DTWD2: variants seen among roughly 807,000 people sequenced by gnomAD.
DTWD2 encodes the protein tRNA-uridine aminocarboxypropyltransferase 2.
In DTWD2, 39 loss-of-function variants were observed where a neutral mutation model predicts 31.8. The observed-to-expected ratio is 1.22, with a 90% confidence interval of 0.95 to 1.60. The LOEUF is 1.60. Ranked by LOEUF, DTWD2 falls within the 40% of genes most tolerant of loss-of-function variation. DTWD2 has a pLI of 0.00. For synonymous variants in DTWD2, 180 were observed against 142.8 expected, an observed-to-expected ratio of 1.26 and a Z score of -1.86; for missense variants, 515 against 381.5, an observed-to-expected ratio of 1.35 and a Z score of -2.92.
At chr5:118,938,569 C>T (rs987377625) in intron 3 of DTWD2, among the ~76,000 whole-genome samples, 1 of 151,950 alleles carries the variant, frequency 6.6e-6, no homozygotes, top group Non-Finnish European at 1.5e-5. Flanking sequence ...AATTTACTGG[C>T]CAGGCCCAGT....
At chr5:118,880,277 A>G (rs1752713677) in intron 4 of DTWD2, among the ~76,000 whole-genome samples, 1 of 152,184 alleles carries the variant, frequency 6.6e-6, no homozygotes, top group Non-Finnish European at 1.5e-5. Flanking sequence ...TAATAAACAG[A>G]ATTTTAGATT....
chr5:118,932,083 TAGAG>T (rs1191657430), intron 3 of DTWD2, among the ~76,000 whole-genome samples: 1 of 152,048 alleles, frequency 6.6e-6, no homozygotes. Flanking sequence ...AAGCACTGCT[TAGAG>T]AGATATTCAT....
rs1451533281 is a variant in DTWD2, at chr5:118,936,356, T to C, written c.404+2840A>G. ...GAGTTCAAGACCAGCCTGGGCAACA[T>C]AGCGAGACCCTGTCTCTACAAAAGA... is the stretch of plus-strand genomic sequence containing the variant. On this transcript the variant is annotated intron_variant, in intron 3 of 5. Coordinates refer to ENST00000510708, the MANE Select transcript of DTWD2 (RefSeq NM_173666.4). 2.4e-4 allele frequency among the ~76,000 whole-genome samples: 36 copies of C among 151,996 alleles called. 1 individual carries two copies. The highest frequency in any genetic ancestry group is 2.4e-3 in the Admixed American group (36 of 15,260).
chr5:118,842,426 C>T (rs911501021), intron 5 of DTWD2, among the ~76,000 whole-genome samples: 7 of 152,138 alleles, frequency 4.6e-5, no homozygotes, highest in Admixed American at 6.5e-5. Flanking sequence ...GAAGGTAGGA[C>T]AAGCATCATG....
chr5:118,865,103 C>T (rs751457707), intron 4 of DTWD2, among the ~76,000 whole-genome samples: 19 of 152,102 alleles, frequency 1.2e-4, no homozygotes, highest in Non-Finnish European at 2.4e-4. Flanking sequence ...CATAACCTTA[C>T]GTATGATACA....
rs758938816 is a variant in DTWD2, at chr5:118,848,147, T to C, written c.669A>G (p.Thr223=). Residue 223 remains threonine, a synonymous_variant, in exon 5 of 6, where the codon ACA becomes ACG. Coordinates refer to ENST00000510708, the MANE Select transcript of DTWD2 (RefSeq NM_173666.4). ...AAAGAGCAACAGCTGCACACTCCAG[T>C]GTAGAAAGGCATCTATTAGTCGGCT... The part of the protein sequence containing the change: ...RMQPTNRCLS[T]LECAAVALSI... The C allele has an allele frequency of 5.0e-6, 8 of 1,607,750 alleles. No individual in the cohort carries two copies. The highest frequency in any genetic ancestry group is 1.3e-5 in the African/African-American group (1 of 74,608).
intron 4 of DTWD2, among the ~76,000 whole-genome samples, chr5:118,915,354 A>G (rs947028402): frequency 2.0e-5 from 3 of 151,476 alleles, no homozygotes; most frequent in Non-Finnish European, 4.4e-5. Flanking sequence ...AAAATAACCC[A>G]TATGTAAGCT....
chr5:118,837,658 T>C lies in DTWD2; in HGVS notation c.*3259A>G, dbSNP rs557642756. ...AGAAGTGCTCTTCTATATAATTTAC[T>C]GAGAGGCCAAGGCAGAAGGATCGCT... On this transcript the variant is annotated 3_prime_UTR_variant, in exon 6 of 6. Transcript: ENST00000510708. 7.2e-5 allele frequency: 11 copies of C among 152,294 alleles called. No homozygotes were observed. In the East Asian group the frequency reaches 2.1e-3, roughly 29 times the overall value. The allele number at this position is 152,294 out of a possible 1,614,324, so 9.4% of individuals were successfully genotyped here. A position where few individuals can be genotyped will look rare whatever the true frequency, so the allele number is the denominator to read the frequency against.
intron 2 of DTWD2, among the ~76,000 whole-genome samples, chr5:118,944,103 AAT>A (rs1248796982): frequency 6.6e-6 from 1 of 152,244 alleles, no homozygotes; most frequent in African/African-American, 2.4e-5. Context: ...TGCATTATAA[AAT>A]ATACATGTTT....
intron 4 of DTWD2, among the ~76,000 whole-genome samples, chr5:118,860,992 AGTT>A (rs1210925434): frequency 6.6e-5 from 10 of 152,182 alleles, no homozygotes; most frequent in Non-Finnish European, 8.8e-5. Context: ...ATTTCTCAAT[AGTT>A]AAGTCAGGAT....
intron 4 of DTWD2, among the ~76,000 whole-genome samples, chr5:118,922,325 C>T (rs771892280): frequency 6.6e-6 from 1 of 152,146 alleles, no homozygotes; most frequent in Non-Finnish European, 1.5e-5. Context: ...TCTATAAACA[C>T]AACACTCTGG....
intron 4 of DTWD2, among the ~76,000 whole-genome samples, chr5:118,850,733 T>C (rs888513489): frequency 6.6e-6 from 1 of 151,958 alleles, no homozygotes; most frequent in African/African-American, 2.4e-5. Flanking sequence ...TCCGAAAACC[T>C]ACAGAATGGG....
chr5:118,858,419 T>C (rs1752187293), intron 4 of DTWD2, among the ~76,000 whole-genome samples: 1 of 152,224 alleles, frequency 6.6e-6, no homozygotes, highest in Non-Finnish European at 1.5e-5. Flanking sequence ...TTTGAGCTGG[T>C]GAGAAGTCTC....
chr5:118,966,263 A>G lies in DTWD2; in HGVS notation c.219-21614T>C, dbSNP rs76759309. ...TTTACAAAAGTAAACCTCAAAAAAT[A>G]TGATAAAATGTTCAAGTTTAAAAAA... On this transcript the variant is annotated intron_variant, in intron 1 of 5. Coordinates refer to ENST00000510708, the MANE Select transcript of DTWD2 (RefSeq NM_173666.4). Among the ~76,000 whole-genome samples, 1,133 of 152,352 alleles carry G rather than the reference A, an allele frequency of 7.4e-3. 17 individuals carry two copies. Among genetic ancestry groups the G allele is most frequent in the African/African-American group, 0.026 (1,070 of 41,582 alleles).
At chr5:118,925,510 T>C (rs1434580129) in intron 4 of DTWD2, among the ~76,000 whole-genome samples, 1 of 152,170 alleles carries the variant, frequency 6.6e-6, no homozygotes, top group African/African-American at 2.4e-5. Context: ...GTTAAAACAC[T>C]TAAGAATTAA....
At chr5:118,945,102 G>A (rs989573809) in intron 1 of DTWD2, among the ~76,000 whole-genome samples, 5 of 152,110 alleles carry the variant, frequency 3.3e-5, no homozygotes, top group Admixed American at 3.3e-4. Context: ...ATCAAACTTA[G>A]CCATCAATCA....
intron 1 of DTWD2, among the ~76,000 whole-genome samples, chr5:118,983,415 C>T (rs1347406460): frequency 6.6e-6 from 1 of 152,168 alleles, no homozygotes; most frequent in East Asian, 1.9e-4. Flanking sequence ...TGATAAAACA[C>T]AGTTCAAAGC....
intron 1 of DTWD2, among the ~76,000 whole-genome samples, chr5:118,980,653 T>C (rs1426790066): frequency 6.6e-6 from 1 of 152,114 alleles, no homozygotes; most frequent in African/African-American, 2.4e-5. Context: ...AAATGGATAA[T>C]AGTAAGTGTT....
At chr5:118,938,808 CAAAA>C (rs373505051) in intron 3 of DTWD2, among the ~76,000 whole-genome samples, 1 of 27,868 alleles carries the variant, frequency 3.6e-5, no homozygotes, top group African/African-American at 1.1e-4. Flanking sequence ...AGAACCCTAC[CAAAA>C]AAAAAAAAAA....
Sources: gnomAD v4.1 joint callset for allele counts (sites outside exome capture counted in the v4.1 genomes callset) on GRCh38, gnomAD v4.1.1 for gene constraint, MANE v1.5 for transcripts, NCBI Gene and HGNC (gene_info 2026-07-23, HGNC 2026-07-21) for gene names.